Variants in QTMAN observed in about 807,000 individuals in gnomAD.
QTMAN encodes the protein queuosine-tRNA mannosyltransferase, also known as tRNA-queuosine alpha-mannosyltransferase.
chr2:144,066,790 T>C, the QTMAN span, among the ~76,000 whole-genome samples: 2 of 152,236 alleles, frequency 1.3e-5, no homozygotes, highest in Admixed American at 1.3e-4. Context: ...CACTCCAGCC[T>C]AGGTGACTGC....
At chr2:144,166,422 T>C in the QTMAN span, among the ~76,000 whole-genome samples, 2 of 152,352 alleles carry the variant, frequency 1.3e-5, no homozygotes, top group Non-Finnish European at 2.9e-5. Flanking sequence ...TAAACACTTA[T>C]TGTCCATTTT....
At chr2:144,199,758 C>T in the QTMAN span, among the ~76,000 whole-genome samples, 1 of 152,112 alleles carries the variant, frequency 6.6e-6, no homozygotes, top group Non-Finnish European at 1.5e-5. Context: ...ATGACAAATT[C>T]CTTAAATCTT....
chr2:144,024,480 G>A, the QTMAN span, among the ~76,000 whole-genome samples: 2 of 152,174 alleles, frequency 1.3e-5, no homozygotes, highest in African/African-American at 4.8e-5. Context: ...TTATTTAGGT[G>A]GTTTGCATAT....
the QTMAN span, among the ~76,000 whole-genome samples, chr2:144,033,029 AT>A: frequency 6.6e-6 from 1 of 152,364 alleles, no homozygotes; most frequent in East Asian, 1.9e-4. Context: ...TGTGAAAAGT[AT>A]AAAAAATATT....
chr2:144,257,129 C>T, the QTMAN span, among the ~76,000 whole-genome samples: 2 of 147,222 alleles, frequency 1.4e-5, no homozygotes, highest in Admixed American at 6.8e-5. Context: ...AGCACTTCAT[C>T]AATAAAACAA....
the QTMAN span, among the ~76,000 whole-genome samples, chr2:144,289,639 A>C: frequency 6.6e-6 from 1 of 152,236 alleles, no homozygotes; most frequent in Non-Finnish European, 1.5e-5. Context: ...GGAATAAAGA[A>C]AGACAAAAGA....
chr2:144,138,160 G>C, the QTMAN span, among the ~76,000 whole-genome samples: 1 of 151,996 alleles, frequency 6.6e-6, no homozygotes, highest in Non-Finnish European at 1.5e-5. Context: ...AAAATCAGGG[G>C]ACTATGTGCC....
At chr2:143,984,927 C>A in the QTMAN span, among the ~76,000 whole-genome samples, 1 of 152,200 alleles carries the variant, frequency 6.6e-6, no homozygotes, top group Non-Finnish European at 1.5e-5. Flanking sequence ...TTACCTGATT[C>A]TTCCTGGACG....
At chr2:143,955,241 A>G in the QTMAN span, among the ~76,000 whole-genome samples, 6 of 152,330 alleles carry the variant, frequency 3.9e-5, no homozygotes, top group Middle Eastern at 3.4e-3. Context: ...AGTTACAATT[A>G]TAAGTGACAC....
chr2:144,203,150 AGTGTGTGTGTGTGTGTGTGTGTGTGTGT>A, the QTMAN span, among the ~76,000 whole-genome samples: 3 of 145,534 alleles, frequency 2.1e-5, no homozygotes, highest in Non-Finnish European at 4.5e-5. Flanking sequence ...TACAATGAAG[AGTGTGTGTGTGTGTGTGTGTGTGTGTGT>A]GTGTGTGTGT....
chr2:144,236,878 T>G, the QTMAN span, among the ~76,000 whole-genome samples: 3 of 151,074 alleles, frequency 2.0e-5, no homozygotes, highest in East Asian at 1.9e-4. Flanking sequence ...TGAACTGAGA[T>G]GCCACCAAAA....
At chr2:144,225,443 C>T in the QTMAN span, among the ~76,000 whole-genome samples, 1 of 152,178 alleles carries the variant, frequency 6.6e-6, no homozygotes, top group African/African-American at 2.4e-5. Context: ...AAAACCTATA[C>T]TTTTTCTAAG....
At chr2:144,243,286 A>G in the QTMAN span, among the ~76,000 whole-genome samples, 1 of 152,188 alleles carries the variant, frequency 6.6e-6, no homozygotes. Flanking sequence ...TGACAGTCCA[A>G]TGCTGTATAA....
At chr2:143,992,162 G>A in the QTMAN span, among the ~76,000 whole-genome samples, 151 of 151,606 alleles carry the variant, frequency 1.0e-3, 4 homozygotes, top group South Asian at 0.03. Flanking sequence ...AGTAGACATG[G>A]GAGACTTTTC....
chr2:144,105,003 G>A, the QTMAN span, among the ~76,000 whole-genome samples: 1 of 152,240 alleles, frequency 6.6e-6, no homozygotes, highest in Non-Finnish European at 1.5e-5. Context: ...ACAGAGTCTG[G>A]AGTGGACCTC....
At chr2:144,260,433 T>C in the QTMAN span, among the ~76,000 whole-genome samples, 2 of 152,090 alleles carry the variant, frequency 1.3e-5, no homozygotes, top group African/African-American at 4.8e-5. Flanking sequence ...TGTTTAATTT[T>C]TTATCCTTAA....
chr2:144,203,523 C>T, the QTMAN span, among the ~76,000 whole-genome samples: 1 of 152,198 alleles, frequency 6.6e-6, no homozygotes, highest in African/African-American at 2.4e-5. Flanking sequence ...AGACCCACAA[C>T]AAGGCAGTAC....
the QTMAN span, among the ~76,000 whole-genome samples, chr2:144,203,150 A>AGT: frequency 0.095 from 13,802 of 145,484 alleles, 691 homozygotes; most frequent in East Asian, 0.18. Flanking sequence ...TACAATGAAG[A>AGT]GTGTGTGTGT....
At chr2:144,216,794 T>C in the QTMAN span, among the ~76,000 whole-genome samples, 2 of 152,154 alleles carry the variant, frequency 1.3e-5, no homozygotes, top group African/African-American at 4.8e-5. Context: ...AAGAGAATAT[T>C]TGTAAATTTC....
Sources: allele counts gnomAD v4.1 joint callset (sites outside exome capture counted in the v4.1 genomes callset), GRCh38; gene constraint gnomAD v4.1.1; transcripts MANE v1.5; gene names NCBI Gene and HGNC (gene_info 2026-07-23, HGNC 2026-07-21).